Variants in FMNL2 observed in about 807,000 individuals in gnomAD.
FMNL2 encodes formin like 2, also known as formin-like protein 2.
In FMNL2, 51 loss-of-function variants were observed where a neutral mutation model predicts 130.2. The ratio of observed to expected loss-of-function variants is 0.39; its 90% CI spans 0.31 to 0.49. FMNL2 has a LOEUF of 0.49. FMNL2 is among the 20% of genes least tolerant of loss of function. The pLI, the probability that FMNL2 is intolerant of heterozygous loss-of-function variation, is 0.85. For synonymous variants in FMNL2, 465 were observed against 467.1 expected (o/e 1.00, Z 0.06); for missense variants, 977 against 1,316.2 (o/e 0.74, Z 3.99).
At chr2:152,422,655 A>C (rs781318890) in intron 1 of FMNL2, among the ~76,000 whole-genome samples, 2 of 152,062 alleles carry the variant, frequency 1.3e-5, no homozygotes, top group Non-Finnish European at 2.9e-5. Context: ...CAGCCTCCCC[A>C]GGAGCTGGGA....
chr2:152,413,075 A>G (rs36070785), intron 1 of FMNL2, among the ~76,000 whole-genome samples: 16,904 of 152,012 alleles, frequency 0.11, 1,685 homozygotes, highest in African/African-American at 0.27. Context: ...TCCTCATCTT[A>G]AAAAGTTAAC....
chr2:152,414,444 G>A (rs141020510), intron 1 of FMNL2, among the ~76,000 whole-genome samples: 59 of 152,198 alleles, frequency 3.9e-4, no homozygotes, highest in African/African-American at 1.3e-3. Context: ...TCACTTCTCC[G>A]TGGACATGTG....
intron 6 of FMNL2, among the ~76,000 whole-genome samples, chr2:152,565,925 G>A (rs1253789892): frequency 6.6e-6 from 1 of 152,112 alleles, no homozygotes; most frequent in Non-Finnish European, 1.5e-5. Context: ...GCCTACAGGT[G>A]TGTGCCACCA....
chr2:152,540,577 G>T (rs1023570415), intron 2 of FMNL2, among the ~76,000 whole-genome samples: 5 of 151,306 alleles, frequency 3.3e-5, no homozygotes, highest in Non-Finnish European at 5.9e-5. Flanking sequence ...CTATTTTCAA[G>T]GATAAACAAT....
chr2:152,427,379 T>C (rs559855882), intron 1 of FMNL2, among the ~76,000 whole-genome samples: 4 of 152,074 alleles, frequency 2.6e-5, no homozygotes, highest in Admixed American at 2.6e-4. Flanking sequence ...AAACCCAGTC[T>C]CTACTAAAAA....
chr2:152,449,593 C>T (rs1382299642), intron 1 of FMNL2, among the ~76,000 whole-genome samples: 1 of 152,094 alleles, frequency 6.6e-6, no homozygotes, highest in Non-Finnish European at 1.5e-5. Flanking sequence ...AAAACCTTCC[C>T]TTTAGGTCCG....
At chr2:152,396,661 T>C (rs186675249) in intron 1 of FMNL2, among the ~76,000 whole-genome samples, 311 of 152,340 alleles carry the variant, frequency 2.0e-3, no homozygotes, top group African/African-American at 7.1e-3. Flanking sequence ...TTAACAAGTA[T>C]GTTTTTATTT....
At chr2:152,381,682 T>C (rs1246812413) in intron 1 of FMNL2, among the ~76,000 whole-genome samples, 3 of 152,254 alleles carry the variant, frequency 2.0e-5, no homozygotes, top group African/African-American at 7.2e-5. Flanking sequence ...ACTTCCTGCC[T>C]GCTGTACTAA....
At chr2:152,453,741 C>G (rs1688786488) in intron 1 of FMNL2, among the ~76,000 whole-genome samples, 1 of 152,142 alleles carries the variant, frequency 6.6e-6, no homozygotes, top group South Asian at 2.1e-4. Context: ...TGCATGCTGT[C>G]TGCGAGGGCA....
At chr2:152,433,309 A>G (rs1290155041) in intron 1 of FMNL2, among the ~76,000 whole-genome samples, 1 of 152,226 alleles carries the variant, frequency 6.6e-6, no homozygotes, top group Admixed American at 6.5e-5. Context: ...ACAGTATGCA[A>G]GAGTGTAGGT....
In FMNL2 at chr2:152,481,819, G is replaced by A. The variant is rs1005824845; in HGVS notation, c.118-40124G>A. Among the ~76,000 whole-genome samples, 36 of 152,088 alleles carry A rather than the reference G, an allele frequency of 2.4e-4. 1 individual carries two copies. Among genetic ancestry groups the A allele is most frequent in the Non-Finnish European group, 4.9e-4 (33 of 68,032 alleles). On this transcript the variant is annotated intron_variant, in intron 1 of 25. Coordinates refer to ENST00000288670, the MANE Select transcript of FMNL2 (RefSeq NM_052905.4). ...ATCTCCTATTTTCAACGTACTTTGGGGCCATTCTTGGAAGGCTGATCGGGA... is the reference window on the plus strand; with the variant it reads ...ATCTCCTATTTTCAACGTACTTTGGAGCCATTCTTGGAAGGCTGATCGGGA...
At chr2:152,452,865 A>G (rs1010971603) in intron 1 of FMNL2, among the ~76,000 whole-genome samples, 1 of 149,166 alleles carries the variant, frequency 6.7e-6, no homozygotes, top group Non-Finnish European at 1.5e-5. Flanking sequence ...CAGTCCAAGT[A>G]TAAACCAGAG....
intron 1 of FMNL2, among the ~76,000 whole-genome samples, chr2:152,435,091 C>T: frequency 6.6e-6 from 1 of 152,104 alleles, no homozygotes; most frequent in East Asian, 1.9e-4. Context: ...TTTAATCTCT[C>T]TCTGGAGGCA....
At chr2:152,408,993 A>G (rs191645793) in intron 1 of FMNL2, among the ~76,000 whole-genome samples, 10 of 152,240 alleles carry the variant, frequency 6.6e-5, no homozygotes, top group African/African-American at 2.4e-4. Context: ...ACTTTAAAAC[A>G]ACAAAGAACT....
chr2:152,435,525 A>G (rs1687706320), intron 1 of FMNL2, among the ~76,000 whole-genome samples: 1 of 151,966 alleles, frequency 6.6e-6, no homozygotes, highest in Admixed American at 6.6e-5. Flanking sequence ...CCACATAGTT[A>G]GTGGGATGTA....
intron 9 of FMNL2, among the ~76,000 whole-genome samples, chr2:152,601,760 C>G (rs1466994673): frequency 1.3e-5 from 2 of 150,642 alleles, no homozygotes; most frequent in African/African-American, 2.5e-5. Context: ...ACCTTCACCT[C>G]CCAGGTTCAA....
chr2:152,570,841 G>A (rs1321424887), intron 6 of FMNL2, among the ~76,000 whole-genome samples: 2 of 83,140 alleles, frequency 2.4e-5, no homozygotes, highest in African/African-American at 5.3e-5. Flanking sequence ...ATGGAATGCT[G>A]GTGAAATGGT....
chr2:152,639,874 G>C, intron 23 of FMNL2, 84 bp from the exon 24 acceptor site: 2 of 1,172,220 alleles, frequency 1.7e-6, no homozygotes, highest in South Asian at 3.1e-5. Context: ...AACTCACTAA[G>C]GATGCTTGAA....
At chr2:152,336,043 C>T (rs1422211059) in intron 1 of FMNL2, among the ~76,000 whole-genome samples, 3 of 150,926 alleles carry the variant, frequency 2.0e-5, no homozygotes, top group Admixed American at 1.3e-4. Context: ...GAGAAGGTGG[C>T]GCGGGCTGGG....
Sources: gnomAD v4.1 joint callset for allele counts (sites outside exome capture counted in the v4.1 genomes callset) on GRCh38, gnomAD v4.1.1 for gene constraint, MANE v1.5 for transcripts, NCBI Gene and HGNC (gene_info 2026-07-23, HGNC 2026-07-21) for gene names.